ITPR1: variants seen among roughly 807,000 people sequenced by gnomAD.
The protein encoded by ITPR1 is inositol 1,4,5-trisphosphate-gated calcium channel ITPR1.
Under a neutral mutation model 318.4 loss-of-function variants are expected in ITPR1, and 96 were observed. That is an observed-to-expected ratio of 0.30 (90% confidence interval 0.26 to 0.36). ITPR1 has a LOEUF of 0.36. Ranked by LOEUF, ITPR1 falls within the 10% of genes least tolerant of loss-of-function variation. ITPR1 has a pLI of 1.00. For missense variants in ITPR1, 2,440 were observed against 3,460.2 expected (o/e 0.71, Z 7.40); for synonymous variants, 1,312 against 1,289.9 (o/e 1.02, Z -0.37).
chr3:4,674,398 T>C, intron 22 of ITPR1, 55 bp downstream of exon 22: 1 of 1,453,720 alleles, frequency 6.9e-7, no homozygotes, highest in Non-Finnish European at 9.3e-7. Flanking sequence ...TGGTCATTTT[T>C]CTATGGGGCA....
chr3:4,569,092 CA>C (rs2087706159), intron 4 of ITPR1, among the ~76,000 whole-genome samples: 1 of 152,196 alleles, frequency 6.6e-6, no homozygotes, highest in African/African-American at 2.4e-5. Flanking sequence ...CACATTTCAG[CA>C]TGAGATTTGG....
intron 37 of ITPR1, among the ~76,000 whole-genome samples, chr3:4,709,299 A>C (rs966747266): frequency 6.6e-6 from 1 of 152,230 alleles, no homozygotes; most frequent in African/African-American, 2.4e-5. Flanking sequence ...TGATTGATTC[A>C]TGTATCTTTA....
intron 4 of ITPR1, among the ~76,000 whole-genome samples, chr3:4,619,206 C>A (rs559278168): frequency 3.9e-5 from 6 of 152,186 alleles, no homozygotes; most frequent in African/African-American, 1.4e-4. Flanking sequence ...CTCCTTGTCC[C>A]ATTAGTCTGA....
chr3:4,818,013 C>A (rs1251658250), intron 59 of ITPR1, 69 bp from the exon 60 acceptor site: 2 of 1,347,950 alleles, frequency 1.5e-6, no homozygotes, highest in East Asian at 2.5e-5. Context: ...ACTGACAGTT[C>A]TGTTATTGAT....
Position 4,594,756 on chromosome 3 carries a change from C to T in ITPR1, c.164-33007C>T, listed in dbSNP as rs143668474. On this transcript the variant is annotated intron_variant, in intron 4 of 61. Transcript: ENST00000649015. ...AGTCATGGATATCTGCAAGTGAGACCGGGAAATGTGTGGCAGGAGTGTTTT... is the reference window on the plus strand; with the variant it reads ...AGTCATGGATATCTGCAAGTGAGACTGGGAAATGTGTGGCAGGAGTGTTTT... 8.0e-3 allele frequency among the ~76,000 whole-genome samples: 1,218 copies of T among 152,166 alleles called. 7 individuals are homozygous for T. The highest frequency in any genetic ancestry group is 0.013 in the Non-Finnish European group (867 of 67,998).
chr3:4,549,970 A>C (rs2085394725), intron 4 of ITPR1, among the ~76,000 whole-genome samples: 1 of 152,318 alleles, frequency 6.6e-6, no homozygotes, highest in South Asian at 2.1e-4. Flanking sequence ...CCAAAAAACA[A>C]AACAAGATTT....
At chr3:4,612,817 G>A (rs1324564304) in intron 4 of ITPR1, among the ~76,000 whole-genome samples, 3 of 152,120 alleles carry the variant, frequency 2.0e-5, no homozygotes, top group Non-Finnish European at 4.4e-5. Flanking sequence ...AACCCAGGAG[G>A]CGGAGGTTGC....
intron 61 of ITPR1, among the ~76,000 whole-genome samples, chr3:4,838,209 AAAG>A (rs1324224638): frequency 9.9e-5 from 15 of 152,214 alleles, no homozygotes; most frequent in African/African-American, 3.6e-4. Context: ...ACTAGTAGGA[AAAG>A]AAGGCCTTAT....
At chr3:4,547,683 G>T (rs1426053105) in intron 4 of ITPR1, among the ~76,000 whole-genome samples, 4 of 152,144 alleles carry the variant, frequency 2.6e-5, no homozygotes, top group East Asian at 3.8e-4. Context: ...TAGGAGTCTC[G>T]TAGGCACATA....
At chr3:4,822,867 C>T (rs2049819847) in intron 60 of ITPR1, among the ~76,000 whole-genome samples, 1 of 152,192 alleles carries the variant, frequency 6.6e-6, no homozygotes, top group Non-Finnish European at 1.5e-5. Context: ...GGTGACCTGA[C>T]ATAGCCCTTG....
intron 42 of ITPR1, among the ~76,000 whole-genome samples, chr3:4,731,178 A>G (rs1275596099): frequency 1.3e-5 from 2 of 152,190 alleles, no homozygotes; most frequent in Non-Finnish European, 2.9e-5. Flanking sequence ...TCAAACTTGT[A>G]CTTCTCTTAT....
intron 4 of ITPR1, among the ~76,000 whole-genome samples, chr3:4,542,758 CCCTCTA>C (rs1307228713): frequency 1.3e-5 from 2 of 152,018 alleles, no homozygotes; most frequent in Non-Finnish European, 2.9e-5. Flanking sequence ...GAGCTTTATC[CCCTCTA>C]CCTGGCACTA....
At chr3:4,584,540 T>G in intron 4 of ITPR1, among the ~76,000 whole-genome samples, 1 of 141,182 alleles carries the variant, frequency 7.1e-6, no homozygotes. Context: ...CCTTCTCTCT[T>G]TGCCCAGAGA....
intron 44 of ITPR1, among the ~76,000 whole-genome samples, chr3:4,742,563 C>T (rs920488463): frequency 1.3e-5 from 2 of 152,198 alleles, no homozygotes; most frequent in Admixed American, 1.3e-4. Flanking sequence ...TTATAGAAAG[C>T]ACCTCACGTG....
At chr3:4,846,018 C>T in intron 61 of ITPR1, 121 bp from the exon 62 acceptor site, 1 of 564,618 alleles carries the variant, frequency 1.8e-6, no homozygotes. Flanking sequence ...CGATGGTACA[C>T]TATTTGTAGA....
intron 26 of ITPR1, among the ~76,000 whole-genome samples, chr3:4,682,915 A>G (rs911168582): frequency 6.6e-6 from 1 of 152,200 alleles, no homozygotes; most frequent in African/African-American, 2.4e-5. Context: ...ATAGTCAGGC[A>G]TGGTAGTGCA....
At chr3:4,631,106 C>G (rs1027822988) in intron 5 of ITPR1, among the ~76,000 whole-genome samples, 2 of 152,156 alleles carry the variant, frequency 1.3e-5, no homozygotes, top group Non-Finnish European at 2.9e-5. Context: ...GATGTTCTTC[C>G]TCGATGAATG....
At chr3:4,556,358 T>C (rs1159220723) in intron 4 of ITPR1, among the ~76,000 whole-genome samples, 2 of 152,208 alleles carry the variant, frequency 1.3e-5, no homozygotes, top group Non-Finnish European at 2.9e-5. Flanking sequence ...CTCGAAGTCA[T>C]ACATTTTACA....
chr3:4,585,018 G>C (rs1345194472), intron 4 of ITPR1, among the ~76,000 whole-genome samples: 1 of 152,174 alleles, frequency 6.6e-6, no homozygotes, highest in Non-Finnish European at 1.5e-5. Flanking sequence ...TGTATTACTG[G>C]TCTACCCACG....
Sources: allele counts gnomAD v4.1 joint callset (sites outside exome capture counted in the v4.1 genomes callset), GRCh38; gene constraint gnomAD v4.1.1; transcripts MANE v1.5; gene names NCBI Gene and HGNC (gene_info 2026-07-23, HGNC 2026-07-21).